Variants in LRP1B observed in about 807,000 individuals in gnomAD.
LRP1B encodes LDL receptor related protein 1B.
LRP1B carries 217 observed loss-of-function variants against 556.6 expected under a neutral mutation model. The observed-to-expected ratio is 0.39, with a 90% confidence interval of 0.35 to 0.44. The LOEUF (loss-of-function observed/expected upper bound fraction) is 0.44, where lower values mean the gene tolerates loss of function less well. Among genes scored for constraint, LRP1B ranks in the 20% least tolerant of loss-of-function variants. The pLI is 1.00. For synonymous variants in LRP1B, 2,047 were observed against 1,865.8 expected (o/e 1.10, Z -2.50); for missense variants, 5,053 against 5,620.8 (o/e 0.90, Z 3.23).
At chr2:141,971,302 A>G (rs1399549782) in intron 1 of LRP1B, among the ~76,000 whole-genome samples, 3 of 151,490 alleles carry the variant, frequency 2.0e-5, no homozygotes, top group Non-Finnish European at 4.4e-5. Context: ...CCTTGAAAAA[A>G]GTATCCCCTA....
At chr2:141,414,050 A>C (rs1690968865) in intron 3 of LRP1B, among the ~76,000 whole-genome samples, 2 of 152,040 alleles carry the variant, frequency 1.3e-5, no homozygotes, top group Admixed American at 1.3e-4. Flanking sequence ...ATCCTAGCTA[A>C]GACGGTGAAA....
chr2:141,613,897 A>G (rs1216040772), intron 2 of LRP1B, among the ~76,000 whole-genome samples: 1 of 151,700 alleles, frequency 6.6e-6, no homozygotes, highest in Non-Finnish European at 1.5e-5. Context: ...AAATGGTGAA[A>G]CCTGATCTCT....
chr2:141,531,483 T>C (rs1684869267), intron 2 of LRP1B, among the ~76,000 whole-genome samples: 1 of 152,058 alleles, frequency 6.6e-6, no homozygotes, highest in Non-Finnish European at 1.5e-5. Context: ...ATCGACTGTG[T>C]CATGTACAAT....
intron 66 of LRP1B, among the ~76,000 whole-genome samples, chr2:140,439,792 T>C (rs1558883607): frequency 6.6e-6 from 1 of 152,050 alleles, no homozygotes; most frequent in Non-Finnish European, 1.5e-5. Context: ...TGAATATTCG[T>C]TGTCAAAATT....
intron 66 of LRP1B, among the ~76,000 whole-genome samples, chr2:140,434,148 C>G (rs1232147376): frequency 2.6e-5 from 4 of 152,060 alleles, no homozygotes; most frequent in Non-Finnish European, 4.4e-5. Context: ...CTGCTCACTG[C>G]AACCTCCGCC....
At chr2:142,033,839 T>C (rs1703786288) in intron 1 of LRP1B, among the ~76,000 whole-genome samples, 2 of 151,930 alleles carry the variant, frequency 1.3e-5, no homozygotes, top group African/African-American at 2.4e-5. Context: ...ATTCTCTTTA[T>C]TGTGAAAACA....
chr2:140,540,084 G>C (rs1028802655), intron 45 of LRP1B, among the ~76,000 whole-genome samples: 1 of 152,048 alleles, frequency 6.6e-6, no homozygotes, highest in East Asian at 1.9e-4. Flanking sequence ...CCAGTGGAAA[G>C]AGAGTAAAAA....
At chr2:140,884,079 G>C (rs1041344952) in intron 24 of LRP1B, 58 bp from the exon 25 acceptor site, 1 of 1,474,766 alleles carries the variant, frequency 6.8e-7, no homozygotes, top group Admixed American at 1.8e-5. Context: ...TAAGCACAAA[G>C]GAAAAGGCCT....
intron 3 of LRP1B, among the ~76,000 whole-genome samples, chr2:141,464,439 G>C (rs1355577536): frequency 6.7e-6 from 1 of 149,838 alleles, no homozygotes; most frequent in Non-Finnish European, 1.5e-5. Context: ...TTGAGACGGA[G>C]TCTCGCTCTG....
chr2:140,678,345 T>C (rs1201070097), intron 41 of LRP1B, among the ~76,000 whole-genome samples: 1 of 152,182 alleles, frequency 6.6e-6, no homozygotes, highest in Admixed American at 6.5e-5. Context: ...AAGAAGCTAA[T>C]AAAATGTAAG....
intron 1 of LRP1B, among the ~76,000 whole-genome samples, chr2:142,121,719 T>C (rs1707462075): frequency 6.6e-6 from 1 of 152,132 alleles, no homozygotes; most frequent in African/African-American, 2.4e-5. Context: ...GCTGTTTCTG[T>C]CTCCTCTTGC....
At chr2:140,513,253 A>C (rs1483860141) in intron 51 of LRP1B, among the ~76,000 whole-genome samples, 1 of 152,096 alleles carries the variant, frequency 6.6e-6, no homozygotes, top group Non-Finnish European at 1.5e-5. Flanking sequence ...TTGAAAATGC[A>C]GATGTGGGAG....
chr2:140,704,490 A>T (rs1686756677), intron 37 of LRP1B, among the ~76,000 whole-genome samples: 1 of 152,130 alleles, frequency 6.6e-6, no homozygotes. Context: ...TGTAGCATAA[A>T]ATCCAACTAA....
At chr2:141,794,080 G>A (rs1275190942) in intron 2 of LRP1B, among the ~76,000 whole-genome samples, 1 of 151,862 alleles carries the variant, frequency 6.6e-6, no homozygotes, top group Non-Finnish European at 1.5e-5. Flanking sequence ...CTAATCATCA[G>A]CCTTTTTTAA....
intron 3 of LRP1B, among the ~76,000 whole-genome samples, chr2:141,398,798 C>T (rs1399441497): frequency 1.3e-5 from 2 of 152,320 alleles, no homozygotes; most frequent in South Asian, 2.1e-4. Context: ...GACTGAAACA[C>T]CCCCTCCTTG....
At position 142,130,804 on chromosome 2, in the gene LRP1B, CAGG is replaced by C. The variant is rs1253240637; in HGVS notation, c.-78_-76del. ...TTCGGCCCGGCGGCGGCGGCGGCGG[CAGG>C]GGCCGCTTGGAGCCTGGAATCGAGC... On this transcript the variant is annotated 5_prime_UTR_variant, in exon 1 of 91. Coordinates refer to ENST00000389484, the MANE Select transcript of LRP1B (RefSeq NM_018557.3). 8.0e-7 allele frequency: 1 copy of C among 1,248,598 alleles called. No individual in the cohort carries two copies. The highest frequency in any genetic ancestry group is 1.2e-6 in the Non-Finnish European group (1 of 866,810). The allele number at this position is 1,248,598 out of a possible 1,614,324, so 77.3% of individuals were successfully genotyped here.
intron 31 of LRP1B, among the ~76,000 whole-genome samples, chr2:140,838,568 AT>A (rs1691994972): frequency 1.3e-5 from 2 of 151,962 alleles, no homozygotes; most frequent in South Asian, 4.2e-4. Context: ...ACTATGAAAA[AT>A]GTGCTACTTC....
intron 2 of LRP1B, among the ~76,000 whole-genome samples, chr2:141,762,693 C>A (rs1694600565): frequency 6.6e-6 from 1 of 152,034 alleles, no homozygotes; most frequent in Non-Finnish European, 1.5e-5. Flanking sequence ...ACTGTTTGTC[C>A]TTGTGCATAT....
intron 3 of LRP1B, among the ~76,000 whole-genome samples, chr2:141,437,146 A>G (rs1680792174): frequency 6.6e-6 from 1 of 152,148 alleles, no homozygotes; most frequent in Admixed American, 6.5e-5. Context: ...GTAAATTATC[A>G]TAAATCAAAG....
Sources: allele counts gnomAD v4.1 joint callset (sites outside exome capture counted in the v4.1 genomes callset), GRCh38; gene constraint gnomAD v4.1.1; transcripts MANE v1.5; gene names NCBI Gene and HGNC (gene_info 2026-07-23, HGNC 2026-07-21).